Variants in AGPAT5 observed in about 807,000 individuals in gnomAD.
The protein encoded by AGPAT5 is 1-acyl-sn-glycerol-3-phosphate acyltransferase epsilon.
A neutral mutation model predicts 45.6 loss-of-function variants in AGPAT5; 46 were observed. That is an observed-to-expected ratio of 1.01 (90% confidence interval 0.80 to 1.29). The LOEUF (loss-of-function observed/expected upper bound fraction) is 1.29. Ranked by LOEUF, AGPAT5 falls within the 50% of genes most tolerant of loss-of-function variation. AGPAT5 has a pLI of 0.00. For synonymous variants in AGPAT5, 272 were observed against 167.0 expected, an observed-to-expected ratio of 1.63 and a Z score of -4.85; for missense variants, 673 against 450.7, an observed-to-expected ratio of 1.49 and a Z score of -4.47.
At chr8:6,722,496 G>A (rs1443573449) in intron 1 of AGPAT5, among the ~76,000 whole-genome samples, 2 of 152,174 alleles carry the variant, frequency 1.3e-5, no homozygotes, top group East Asian at 1.9e-4. Flanking sequence ...AAAGAATGCT[G>A]TATATTTATG....
intron 5 of AGPAT5, among the ~76,000 whole-genome samples, chr8:6,742,329 A>G (rs747464407): frequency 6.6e-5 from 10 of 152,252 alleles, no homozygotes; most frequent in Middle Eastern, 3.2e-3. Flanking sequence ...AACAATGGTA[A>G]TGTTCTTAAT....
chr8:6,721,109 A>C (rs772308186), intron 1 of AGPAT5, among the ~76,000 whole-genome samples: 3 of 152,212 alleles, frequency 2.0e-5, no homozygotes, highest in Non-Finnish European at 4.4e-5. Flanking sequence ...GCTGTTTGCT[A>C]TTTTGATCTT....
chr8:6,760,511 C>T lies in AGPAT5; in HGVS notation c.*3123C>T, dbSNP rs1282479960. On this transcript the variant is annotated 3_prime_UTR_variant, in exon 8 of 8. Coordinates refer to ENST00000285518, the MANE Select transcript of AGPAT5 (RefSeq NM_018361.5). ...AAAGAGAGAGAAATGTCTACCAAAG[C>T]AGTATTTTGTGTGTATAATTGCAAG... Among the ~76,000 whole-genome samples, 1 of 152,202 alleles carries T rather than the reference C, an allele frequency of 6.6e-6. No homozygotes were observed. The highest frequency in any genetic ancestry group is 1.5e-5 in the Non-Finnish European group (1 of 68,034).
At chr8:6,720,508 G>C (rs1434029152) in intron 1 of AGPAT5, among the ~76,000 whole-genome samples, 1 of 152,180 alleles carries the variant, frequency 6.6e-6, no homozygotes, top group African/African-American at 2.4e-5. Flanking sequence ...GACCACACAA[G>C]TTGAATGTGG....
In AGPAT5 at chr8:6,759,817, C is replaced by CTGTT. The variant is rs1309624753; in HGVS notation, c.*2430_*2433dup. 6.6e-6 allele frequency among the ~76,000 whole-genome samples: 1 copy of CTGTT among 152,096 alleles called. No homozygotes were observed. The highest frequency in any genetic ancestry group is 2.4e-5 in the African/African-American group (1 of 41,394). On this transcript the variant is annotated 3_prime_UTR_variant, in exon 8 of 8. Coordinates refer to ENST00000285518, the MANE Select transcript of AGPAT5 (RefSeq NM_018361.5). ...AAAAAATACACTAAAATAATCAAAACTGTTAAGCAGTATATTAGTTTGGTT... is the reference window on the plus strand; with the variant it reads ...AAAAAATACACTAAAATAATCAAAACTGTTTGTTAAGCAGTATATTAGTTTGGTT...
intron 4 of AGPAT5, among the ~76,000 whole-genome samples, chr8:6,740,271 T>G (rs1801203133): frequency 6.6e-6 from 1 of 152,044 alleles, no homozygotes; most frequent in South Asian, 2.1e-4. Context: ...GCTTTGAATA[T>G]AAACCTTACT....
At chr8:6,708,909 G>T in intron 1 of AGPAT5, 22 bp downstream of exon 1, 1 of 1,588,804 alleles carries the variant, frequency 6.3e-7, no homozygotes, top group Non-Finnish European at 8.5e-7. Flanking sequence ...CCCGCTCCCG[G>T]GTCTCGGCGT....
At chr8:6,743,966 A>G (rs964210674) in intron 5 of AGPAT5, among the ~76,000 whole-genome samples, 1 of 152,160 alleles carries the variant, frequency 6.6e-6, no homozygotes, top group Non-Finnish European at 1.5e-5. Flanking sequence ...AGTTCTTTCA[A>G]AACAGGAGAA....
At chr8:6,719,725 T>G (rs1018113057) in intron 1 of AGPAT5, among the ~76,000 whole-genome samples, 2 of 152,210 alleles carry the variant, frequency 1.3e-5, no homozygotes, top group Admixed American at 1.3e-4. Flanking sequence ...ATTTACATTT[T>G]CAACAAGATC....
At chr8:6,722,596 GAATC>G (rs1308091164) in intron 1 of AGPAT5, among the ~76,000 whole-genome samples, 2 of 152,136 alleles carry the variant, frequency 1.3e-5, no homozygotes, top group African/African-American at 2.4e-5. Flanking sequence ...GATTAAAAAA[GAATC>G]AATAGGCAGT....
At chr8:6,741,411 T>C (rs955865541) in intron 4 of AGPAT5, among the ~76,000 whole-genome samples, 3 of 152,162 alleles carry the variant, frequency 2.0e-5, no homozygotes, top group Non-Finnish European at 4.4e-5. Flanking sequence ...TAGAAATGTT[T>C]TTAGATTCTT....
intron 1 of AGPAT5, among the ~76,000 whole-genome samples, chr8:6,724,480 T>G (rs1800615774): frequency 6.6e-6 from 1 of 152,246 alleles, no homozygotes; most frequent in African/African-American, 2.4e-5. Context: ...AGGTACCATA[T>G]TTTCATAGTA....
chr8:6,757,079 G>T, intron 7 of AGPAT5, 84 bp from the exon 8 acceptor site: 2 of 1,001,420 alleles, frequency 2.0e-6, no homozygotes, highest in East Asian at 2.6e-5. Flanking sequence ...AACTTTTCCA[G>T]CGTGTAATAG....
At chr8:6,739,008 C>A (rs762059369) in intron 4 of AGPAT5, among the ~76,000 whole-genome samples, 9 of 151,780 alleles carry the variant, frequency 5.9e-5, no homozygotes, top group Admixed American at 5.9e-4. Context: ...GGTGTAAGAT[C>A]GAAGTTCATA....
At position 6,761,083 on chromosome 8, in the gene AGPAT5, T is replaced by C. The variant is rs555271028; in HGVS notation, c.*3695T>C. On this transcript the variant is annotated 3_prime_UTR_variant, in exon 8 of 8. Transcript: ENST00000285518. The stretch of plus-strand genomic sequence containing the variant: ...GTCAAAGACATATACCTTGTTATTA[T>C]AATATGTATACTATAATAATAGCTG... Among the ~76,000 whole-genome samples, 19 of 152,246 alleles carry C rather than the reference T, an allele frequency of 1.2e-4. No individual in the cohort carries two copies. Among genetic ancestry groups the C allele is most frequent in the Non-Finnish European group, 1.8e-4 (12 of 68,042 alleles).
intron 1 of AGPAT5, among the ~76,000 whole-genome samples, chr8:6,718,040 G>A (rs955642170): frequency 1.3e-5 from 2 of 152,104 alleles, no homozygotes; most frequent in Non-Finnish European, 2.9e-5. Context: ...TCCTTAAATG[G>A]AATACTTTTT....
chr8:6,710,301 A>G (rs1227620849), intron 1 of AGPAT5, among the ~76,000 whole-genome samples: 2 of 152,236 alleles, frequency 1.3e-5, no homozygotes, highest in East Asian at 3.8e-4. Context: ...ATGTTCAGAG[A>G]TCCGATTTAC....
At chr8:6,744,340 A>G (rs1464658650) in intron 5 of AGPAT5, among the ~76,000 whole-genome samples, 5 of 152,332 alleles carry the variant, frequency 3.3e-5, no homozygotes, top group Admixed American at 3.3e-4. Flanking sequence ...TTGTGTGGTA[A>G]CGGCACTCTC....
intron 4 of AGPAT5, among the ~76,000 whole-genome samples, chr8:6,741,428 T>C (rs1801241590): frequency 1.3e-5 from 2 of 152,154 alleles, no homozygotes; most frequent in African/African-American, 2.4e-5. Flanking sequence ...TCTTCATGGC[T>C]GACCTACCAA....
Sources: allele counts gnomAD v4.1 joint callset (sites outside exome capture counted in the v4.1 genomes callset), GRCh38; gene constraint gnomAD v4.1.1; transcripts MANE v1.5; gene names NCBI Gene and HGNC (gene_info 2026-07-23, HGNC 2026-07-21).